Variants in ADAM7 observed in about 807,000 individuals in gnomAD.
ADAM7 encodes the protein ADAM metallopeptidase domain 7.
A neutral mutation model predicts 102.9 loss-of-function variants in ADAM7; 97 were observed. The observed-to-expected ratio is 0.94, with a 90% CI of 0.80 to 1.12. The LOEUF is 1.12. ADAM7 is among the 50% of genes most tolerant of loss of function. The pLI is 0.00. For missense variants in ADAM7, 991 were observed against 908.7 expected (o/e 1.09, Z -1.16); for synonymous variants, 334 against 304.4 (o/e 1.10, Z -1.01).
chr8:24,469,629 A>G (rs1819540318), intron 7 of ADAM7, among the ~76,000 whole-genome samples: 1 of 152,140 alleles, frequency 6.6e-6, no homozygotes, highest in Non-Finnish European at 1.5e-5. Flanking sequence ...AAAAAAAAGG[A>G]AAATAAGCTC....
intron 9 of ADAM7, among the ~76,000 whole-genome samples, chr8:24,483,009 C>T (rs1820012424): frequency 6.6e-6 from 1 of 152,094 alleles, no homozygotes; most frequent in Non-Finnish European, 1.5e-5. Flanking sequence ...ACTCTCTGAA[C>T]ATTTCCCCTC....
At chr8:24,508,039 A>G (rs557409761) in intron 21 of ADAM7, among the ~76,000 whole-genome samples, 1 of 152,286 alleles carries the variant, frequency 6.6e-6, no homozygotes, top group South Asian at 2.1e-4. Flanking sequence ...ATTGTGATTT[A>G]TGTCAAAGGG....
intron 3 of ADAM7, among the ~76,000 whole-genome samples, chr8:24,459,207 A>T (rs1439896371): frequency 6.6e-6 from 1 of 151,984 alleles, no homozygotes; most frequent in Non-Finnish European, 1.5e-5. Flanking sequence ...GGGGTTATTC[A>T]AAGTTTCTAT....
chr8:24,463,261 C>T (rs144828831), intron 3 of ADAM7, among the ~76,000 whole-genome samples: 3 of 152,140 alleles, frequency 2.0e-5, no homozygotes, highest in Admixed American at 6.5e-5. Context: ...CAAGAAGTGG[C>T]CATGGGTAGT....
At chr8:24,500,645 T>C in intron 18 of ADAM7, 145 bp from the exon 19 acceptor site, 3 of 646,756 alleles carry the variant, frequency 4.6e-6, no homozygotes, top group Non-Finnish European at 7.7e-6. Context: ...GGCTTTTTAC[T>C]TTACATAAAA....
At chr8:24,482,414 T>C (rs1042296661) in intron 9 of ADAM7, 103 bp downstream of exon 9, 1 of 1,211,144 alleles carries the variant, frequency 8.3e-7, no homozygotes, top group Admixed American at 2.4e-5. Context: ...ATTTGACTTT[T>C]GGGTAGCACA....
At chr8:24,487,707 T>C (rs547322980) in intron 11 of ADAM7, among the ~76,000 whole-genome samples, 1 of 152,058 alleles carries the variant, frequency 6.6e-6, no homozygotes, top group African/African-American at 2.4e-5. Context: ...AAATCCATTA[T>C]TGTAGGATAT....
chr8:24,497,793 A>G (rs890466456), intron 16 of ADAM7, among the ~76,000 whole-genome samples: 1 of 152,156 alleles, frequency 6.6e-6, no homozygotes, highest in African/African-American at 2.4e-5. Context: ...TAAAGAATAC[A>G]TGCCATAAGC....
chr8:24,452,168 A>T (rs1254848190), intron 3 of ADAM7, among the ~76,000 whole-genome samples: 8 of 149,740 alleles, frequency 5.3e-5, no homozygotes, highest in East Asian at 2.0e-4. Context: ...TGTTAGGTCC[A>T]CTTGGTGCAG....
At chr8:24,454,946 G>A (rs1397355025) in intron 3 of ADAM7, among the ~76,000 whole-genome samples, 1 of 152,086 alleles carries the variant, frequency 6.6e-6, no homozygotes, top group Non-Finnish European at 1.5e-5. Context: ...TCAATTTTCT[G>A]TTCGCTATAA....
rs993609150 is a variant in ADAM7 at position 24,509,150 on chromosome 8, C to G, written c.*604C>G. ...AAAGGAAAACACAGAATGCTCCTGG[C>G]AATTCTAAATTCCTAGGTTTGCCTT... is the stretch of plus-strand genomic sequence containing the variant. On this transcript the variant is annotated 3_prime_UTR_variant, in exon 22 of 22. Transcript: ENST00000175238. The G allele has an allele frequency of 5.1e-6, 5 of 985,292 alleles. No individual in the cohort carries two copies. The highest frequency in any genetic ancestry group is 1.7e-5 in the African/African-American group (1 of 57,218). 61.0% of individuals were successfully genotyped at this position (985,292 alleles called of 1,614,324 possible).
intron 3 of ADAM7, among the ~76,000 whole-genome samples, chr8:24,460,367 ATTTAAT>A (rs1244541170): frequency 3.3e-5 from 5 of 152,026 alleles, no homozygotes; most frequent in African/African-American, 1.2e-4. Flanking sequence ...ATAGGTTAAC[ATTTAAT>A]GTTAATGTTA....
chr8:24,452,893 T>G (rs1270011281), intron 3 of ADAM7, among the ~76,000 whole-genome samples: 1 of 149,944 alleles, frequency 6.7e-6, no homozygotes, highest in Non-Finnish European at 1.5e-5. Context: ...AGGATTTTAT[T>G]TCTCCTTCAC....
intron 3 of ADAM7, among the ~76,000 whole-genome samples, chr8:24,448,527 T>G (rs1317125516): frequency 6.6e-6 from 1 of 152,154 alleles, no homozygotes; most frequent in Non-Finnish European, 1.5e-5. Context: ...AATCTGTGAA[T>G]ATTATGTGAT....
rs574492308 is a variant in ADAM7 at position 24,480,246 on chromosome 8, A to G, written c.706-1896A>G. Among the ~76,000 whole-genome samples, 7 of 152,258 alleles carry G rather than the reference A, an allele frequency of 4.6e-5. No individual in the cohort carries two copies. The East Asian group carries it at 1.4e-3, about 29-fold the overall frequency. ...ATACAAAATTGTTGCATATTGCTGA[A>G]CTTTTACTGAAGATTTGTAGTTTAG... On this transcript the variant is annotated intron_variant, in intron 8 of 21. Transcript: ENST00000175238.
At chr8:24,455,003 T>C (rs1207533629) in intron 3 of ADAM7, among the ~76,000 whole-genome samples, 2 of 152,104 alleles carry the variant, frequency 1.3e-5, no homozygotes, top group Non-Finnish European at 1.5e-5. Context: ...TGCGTATGAG[T>C]CACCAGAAAT....
intron 12 of ADAM7, 95 bp from the exon 13 acceptor site, chr8:24,490,704 T>C (rs899908189): frequency 9.7e-6 from 12 of 1,233,334 alleles, no homozygotes; most frequent in Non-Finnish European, 1.3e-5. Flanking sequence ...ACTATTTAAC[T>C]CTATCAGAAT....
intron 9 of ADAM7, among the ~76,000 whole-genome samples, chr8:24,483,743 C>T (rs1173737882): frequency 1.3e-5 from 2 of 152,150 alleles, no homozygotes; most frequent in African/African-American, 4.8e-5. Flanking sequence ...TCGCCATAAA[C>T]TTCAGAGTGG....
chr8:24,479,012 G>A (rs528078731), intron 8 of ADAM7, among the ~76,000 whole-genome samples: 1 of 152,164 alleles, frequency 6.6e-6, no homozygotes, highest in East Asian at 1.9e-4. Context: ...CTTAGGGTGG[G>A]TCCTGAATTG....
Sources: gnomAD v4.1 joint callset for allele counts (sites outside exome capture counted in the v4.1 genomes callset) on GRCh38, gnomAD v4.1.1 for gene constraint, MANE v1.5 for transcripts, NCBI Gene and HGNC (gene_info 2026-07-23, HGNC 2026-07-21) for gene names.